The following INPP5B variants were observed in gnomAD, a reference collection of about 807,000 sequenced individuals.
INPP5B encodes inositol polyphosphate-5-phosphatase B, also known as type II inositol 1,4,5-trisphosphate 5-phosphatase.
In INPP5B, 90 loss-of-function variants were observed where a neutral mutation model predicts 118.5. The observed-to-expected ratio is 0.76, with a 90% CI of 0.64 to 0.90. The LOEUF (loss-of-function observed/expected upper bound fraction) is 0.90. Among genes scored for constraint, INPP5B ranks in the 40% least tolerant of loss-of-function variants. INPP5B has a pLI of 0.00. For synonymous variants in INPP5B, 385 were observed against 418.9 expected (o/e 0.92, Z 0.99); for missense variants, 984 against 1,125.6 (o/e 0.87, Z 1.80).
chr1:37,887,091 G>A, intron 11 of INPP5B, 87 bp from the exon 12 acceptor site: 1 of 1,042,154 alleles, frequency 9.6e-7, no homozygotes, highest in Non-Finnish European at 1.5e-6. Flanking sequence ...CTGGCTGAGA[G>A]TATTCACGTG....
chr1:37,919,992 G>A (rs562214813), intron 7 of INPP5B, among the ~76,000 whole-genome samples: 1 of 152,244 alleles, frequency 6.6e-6, no homozygotes, highest in South Asian at 2.1e-4. Context: ...GGCTTACTAC[G>A]TATTGAGCAC....
chr1:37,880,709 A>G (rs1400110101), intron 14 of INPP5B, among the ~76,000 whole-genome samples: 3 of 151,414 alleles, frequency 2.0e-5, no homozygotes, highest in Admixed American at 6.6e-5. Flanking sequence ...CTGGGATTAC[A>G]GGCGTCAGCC....
chr1:37,880,372 A>T (rs1643121010), intron 14 of INPP5B, among the ~76,000 whole-genome samples, 178 bp from the exon 15 acceptor site: 1 of 150,774 alleles, frequency 6.6e-6, no homozygotes, highest in Non-Finnish European at 1.5e-5. Flanking sequence ...CAAGCTGACC[A>T]CTCTTTTGCC....
chr1:37,883,632 A>G (rs1643340940), intron 13 of INPP5B: 1 of 985,342 alleles, frequency 1.0e-6, no homozygotes, highest in African/African-American at 1.7e-5. Flanking sequence ...ACAAACTAAA[A>G]GCAGACAAAC....
intron 6 of INPP5B, among the ~76,000 whole-genome samples, chr1:37,936,285 G>A (rs1223406281): frequency 6.6e-6 from 1 of 151,900 alleles, no homozygotes; most frequent in Non-Finnish European, 1.5e-5. Flanking sequence ...CTTGTTGCCT[G>A]CCTGGGGAAA....
chr1:37,926,378 C>G (rs1645229546), intron 7 of INPP5B, among the ~76,000 whole-genome samples: 2 of 152,294 alleles, frequency 1.3e-5, no homozygotes, highest in African/African-American at 4.8e-5. Context: ...CAACCTCCGC[C>G]TCCCAGGTTC....
In INPP5B at chr1:37,885,744, T is replaced by C. The variant is rs780652276; in HGVS notation, c.1213A>G (p.Ile405Val). 8.1e-6 allele frequency: 13 copies of C among 1,614,062 alleles called. No homozygotes were observed. In the East Asian group the frequency reaches 2.2e-4, roughly 28 times the overall value. Residue 405 changes from isoleucine (I) to valine (V), a missense_variant, in exon 13 of 24, where the codon ATT becomes GTT. By Grantham distance (29) the Ile-to-Val change is conservative (BLOSUM62 3). Coordinates refer to ENST00000373024, the MANE Select transcript of INPP5B (RefSeq NM_005540.3). ...TGGTTCCTCCTCTCATACTCTTCAATGTGGGCTGCCAAGTGAGAATTCACA... is the reference window on the plus strand; with the variant it reads ...TGGTTCCTCCTCTCATACTCTTCAACGTGGGCTGCCAAGTGAGAATTCACA... ...CVVNSHLAAHIEEYERRNQDY... is the reference protein window; with the variant it reads ...CVVNSHLAAHVEEYERRNQDY...
At chr1:37,901,571 T>C (rs1187959989) in intron 7 of INPP5B, among the ~76,000 whole-genome samples, 8 of 152,148 alleles carry the variant, frequency 5.3e-5, no homozygotes, top group Non-Finnish European at 1.2e-4. Context: ...CAGGGGTACA[T>C]AGCGTACTGA....
chr1:37,899,477 G>A lies in INPP5B; in HGVS notation c.533-8023C>T, dbSNP rs560381470. Among the ~76,000 whole-genome samples the A allele has an allele frequency of 4.0e-5, 6 of 151,628 alleles. No individual in the cohort carries two copies. The South Asian group carries it at 8.3e-4, about 21-fold the overall frequency. ...CTCAGGAAGGTGAGGCAAGAAAATCGCTTGAACCTGGGAGGCAGAGGTTGC... is the reference window on the plus strand; with the variant it reads ...CTCAGGAAGGTGAGGCAAGAAAATCACTTGAACCTGGGAGGCAGAGGTTGC... On this transcript the variant is annotated intron_variant, in intron 7 of 23. Coordinates refer to ENST00000373024, the MANE Select transcript of INPP5B (RefSeq NM_005540.3).
intron 7 of INPP5B, among the ~76,000 whole-genome samples, chr1:37,925,649 C>G (rs1322391476): frequency 6.6e-6 from 1 of 152,170 alleles, no homozygotes; most frequent in African/African-American, 2.4e-5. Context: ...TCTTCCTGAA[C>G]TGTCCCTCCC....
chr1:37,920,872 C>T (rs556512966), intron 7 of INPP5B, among the ~76,000 whole-genome samples: 1 of 151,826 alleles, frequency 6.6e-6, no homozygotes, highest in African/African-American at 2.4e-5. Flanking sequence ...CTTGGGAGGC[C>T]GAGGCAGGCA....
In INPP5B at chr1:37,891,435, A is replaced by G; in HGVS notation, c.552T>C (p.Gly184=). Reference sequence around the variant, plus strand: ...GCACTCCCTTCCCATTTGGTCTCAAACCATCAAAGTTAGAACCACCTAAAG... The same window carrying G: ...GCACTCCCTTCCCATTTGGTCTCAAGCCATCAAAGTTAGAACCACCTAAAG... The part of the protein sequence containing the change: ...TIGGGGSNFD[G]LRPNGKGVPM... The change falls in exon 8 of 24, where the codon GGT becomes GGC. Residue 184 remains glycine, a synonymous_variant. Transcript: ENST00000373024. The G allele has an allele frequency of 2.5e-6, 4 of 1,613,592 alleles. No homozygotes were observed. Among genetic ancestry groups the G allele is most frequent in the Non-Finnish European group, 3.4e-6 (4 of 1,179,590 alleles).
At chr1:37,878,525 T>C in intron 15 of INPP5B, 2 of 984,488 alleles carry the variant, frequency 2.0e-6, no homozygotes, top group Non-Finnish European at 2.4e-6. Context: ...CCATGAAAGC[T>C]CAAAGCCAAA....
At position 37,936,061 on chromosome 1, in the gene INPP5B, G is replaced by A. The variant is rs151149595; in HGVS notation, c.392-4008C>T. Among the ~76,000 whole-genome samples, 6 of 151,888 alleles carry A rather than the reference G, an allele frequency of 4.0e-5. No individual in the cohort carries two copies. The East Asian group carries it at 9.7e-4, about 25-fold the overall frequency. On this transcript the variant is annotated intron_variant, in intron 6 of 23. Coordinates refer to ENST00000373024, the MANE Select transcript of INPP5B (RefSeq NM_005540.3). Reference sequence around the variant, plus strand: ...AGCCTGGGCGACAGAGTGAGACTCCGTATCAAAAAATAAATAAATAAATAA... The same window carrying A: ...AGCCTGGGCGACAGAGTGAGACTCCATATCAAAAAATAAATAAATAAATAA...
intron 7 of INPP5B, among the ~76,000 whole-genome samples, chr1:37,924,868 T>A (rs1017147153): frequency 2.0e-5 from 3 of 151,876 alleles, no homozygotes; most frequent in African/African-American, 7.3e-5. Context: ...TGAAACCCTG[T>A]CTCTACTAAA....
At chr1:37,931,721 C>G in intron 7 of INPP5B, 192 bp downstream of exon 7, 1 of 1,562,044 alleles carries the variant, frequency 6.4e-7, no homozygotes. Flanking sequence ...ATTTCCCTGC[C>G]TGCTTCCTCA....
chr1:37,880,473 T>C (rs1330957750), intron 14 of INPP5B, among the ~76,000 whole-genome samples: 2 of 151,490 alleles, frequency 1.3e-5, no homozygotes, highest in Non-Finnish European at 3.0e-5. Context: ...AGTCTCGCTC[T>C]GTCACCCAGG....
At chr1:37,913,733 C>A (rs1322654390) in intron 7 of INPP5B, among the ~76,000 whole-genome samples, 1 of 152,128 alleles carries the variant, frequency 6.6e-6, no homozygotes, top group Non-Finnish European at 1.5e-5. Context: ...TTTCGCCACC[C>A]CAACACTTCA....
chr1:37,899,676 G>C (rs989493651), intron 7 of INPP5B, among the ~76,000 whole-genome samples: 1 of 151,312 alleles, frequency 6.6e-6, no homozygotes, highest in Admixed American at 6.6e-5. Flanking sequence ...CAACTTAGTA[G>C]CAATTTGAAA....
Sources: allele counts gnomAD v4.1 joint callset (sites outside exome capture counted in the v4.1 genomes callset), GRCh38; gene constraint gnomAD v4.1.1; transcripts MANE v1.5; gene names NCBI Gene and HGNC (gene_info 2026-07-23, HGNC 2026-07-21).